The following SVOP variants were observed in gnomAD, a reference collection of about 807,000 sequenced individuals.
SVOP encodes the protein SV2 related protein, also known as synaptic vesicle 2-related protein.
In SVOP, 17 loss-of-function variants were observed where a neutral mutation model predicts 69.1. The observed-to-expected ratio is 0.25, with a 90% CI of 0.17 to 0.37. SVOP has a LOEUF of 0.37. Among genes scored for constraint, SVOP ranks in the 10% least tolerant of loss-of-function variants. The pLI is 1.00. For synonymous variants in SVOP, 238 were observed against 238.6 expected (o/e 1.00, Z 0.02); for missense variants, 435 against 597.5 (o/e 0.73, Z 2.84).
chr12:108,977,704 A>G (rs779464163), intron 3 of SVOP, among the ~76,000 whole-genome samples: 2 of 152,198 alleles, frequency 1.3e-5, no homozygotes, highest in Non-Finnish European at 2.9e-5. Flanking sequence ...GACATTTTAT[A>G]TTATTTTCGT....
chr12:108,955,572 C>T (rs2039980743), intron 6 of SVOP, among the ~76,000 whole-genome samples: 2 of 152,200 alleles, frequency 1.3e-5, no homozygotes, highest in African/African-American at 2.4e-5. Context: ...GAGCTGAGAG[C>T]CACTCACCAT....
At chr12:108,937,438 T>C (rs988391278) in intron 9 of SVOP, 101 bp from the exon 10 acceptor site, 164 of 1,161,540 alleles carry the variant, frequency 1.4e-4, no homozygotes, top group Non-Finnish European at 2.0e-4. Flanking sequence ...GGGAGGAAGG[T>C]TTCTAGTAAG....
rs545099785 is a variant in SVOP, at chr12:108,910,764, T to C, written c.*1771A>G. 5.3e-5 allele frequency: 8 copies of C among 152,262 alleles called. No individual in the cohort carries two copies. The highest frequency in any genetic ancestry group is 4.1e-4 in the South Asian group (2 of 4,824). 9.4% of individuals were successfully genotyped at this position (152,262 alleles called of 1,614,324 possible). ...CCAACGGTATGTCTTTCCCCACTCA[T>C]TGGAAAGGAGATTATCACACTAAAG... On this transcript the variant is annotated 3_prime_UTR_variant, in exon 16 of 16. Coordinates refer to ENST00000610966, the MANE Select transcript of SVOP (RefSeq NM_018711.5).
At chr12:108,938,699 G>T in intron 9 of SVOP, 128 bp downstream of exon 9, 1 of 1,469,034 alleles carries the variant, frequency 6.8e-7, no homozygotes, top group Non-Finnish European at 9.3e-7. Context: ...CCATGTGCAC[G>T]CACACACCCC....
At chr12:109,013,521 G>T (rs1234570727) in intron 1 of SVOP, among the ~76,000 whole-genome samples, 4 of 151,984 alleles carry the variant, frequency 2.6e-5, no homozygotes, top group Non-Finnish European at 4.4e-5. Context: ...CTCCTGACTA[G>T]CTGAGATTAT....
chr12:109,008,037 C>CA (rs34023222), intron 1 of SVOP, among the ~76,000 whole-genome samples: 78 of 146,876 alleles, frequency 5.3e-4, no homozygotes, highest in African/African-American at 9.5e-4. Flanking sequence ...GACCCTGTCT[C>CA]AAAAAAAAAA....
At chr12:109,016,405 G>A (rs2135635267) in intron 1 of SVOP, among the ~76,000 whole-genome samples, 1 of 152,280 alleles carries the variant, frequency 6.6e-6, no homozygotes, top group South Asian at 2.1e-4. Flanking sequence ...TGTAAGAAAG[G>A]AGACAGTAGA....
At chr12:108,948,004 T>C (rs2039934535) in intron 6 of SVOP, among the ~76,000 whole-genome samples, 1 of 152,140 alleles carries the variant, frequency 6.6e-6, no homozygotes, top group Non-Finnish European at 1.5e-5. Context: ...TTAGGGATAC[T>C]CTTGAGCAAC....
rs755678321 is a variant in SVOP at position 108,919,770 on chromosome 12, C to T, written c.1173G>A (p.Leu391=). The change falls in exon 13 of 16, where the codon CTG becomes CTA. Residue 391 remains leucine, a synonymous_variant. Coordinates refer to ENST00000610966, the MANE Select transcript of SVOP (RefSeq NM_018711.5). ...TGCGCCCCAGGCGGTCAATAATCCA[C>T]AGAGTCACAAGGACACCTGGAAGGG... ...LSEFPGVLVT[L]WIIDRLGRKK... 1.3e-6 allele frequency: 2 copies of T among 1,598,224 alleles called. No homozygotes were observed. The highest frequency in any genetic ancestry group is 2.3e-5 in the South Asian group (2 of 88,206).
chr12:108,930,237 A>T (rs980298080), intron 11 of SVOP, among the ~76,000 whole-genome samples: 1 of 152,232 alleles, frequency 6.6e-6, no homozygotes, highest in Non-Finnish European at 1.5e-5. Flanking sequence ...ACAGAGTTTA[A>T]TTGAACAAAC....
At chr12:108,968,710 AGTGTGT>A (rs370262601) in intron 5 of SVOP, among the ~76,000 whole-genome samples, 115 of 149,622 alleles carry the variant, frequency 7.7e-4, no homozygotes, top group African/African-American at 2.7e-3. Context: ...GGATTCCTGA[AGTGTGT>A]GTGTGTGTGT....
At chr12:108,993,802 G>A (rs747902) in intron 1 of SVOP, among the ~76,000 whole-genome samples, 73,969 of 151,960 alleles carry the variant, frequency 0.49, 21,864 homozygotes, top group South Asian at 0.69. Context: ...AATCAAAAAC[G>A]TGAAGAGTCC....
At chr12:108,998,266 G>T (rs1032847831) in intron 1 of SVOP, among the ~76,000 whole-genome samples, 8 of 151,172 alleles carry the variant, frequency 5.3e-5, no homozygotes, top group Non-Finnish European at 1.0e-4. Flanking sequence ...AGAGAAAAAA[G>T]AATAAAAAGA....
chr12:108,956,784 T>G (rs966412541), intron 6 of SVOP, among the ~76,000 whole-genome samples: 6 of 152,044 alleles, frequency 3.9e-5, no homozygotes, highest in Admixed American at 1.3e-4. Flanking sequence ...TAGAAGCGGA[T>G]GTATGGCCTG....
At chr12:108,920,593 T>C (rs1397228562) in intron 12 of SVOP, among the ~76,000 whole-genome samples, 1 of 128,270 alleles carries the variant, frequency 7.8e-6, no homozygotes, top group African/African-American at 2.9e-5. Flanking sequence ...CATTTTTACA[T>C]CTTTTTTTTT....
At chr12:108,999,825 A>T (rs1046588194) in intron 1 of SVOP, among the ~76,000 whole-genome samples, 3 of 151,388 alleles carry the variant, frequency 2.0e-5, no homozygotes. Context: ...GTGTAGAGGG[A>T]AATTTATAGC....
At chr12:108,921,726 A>T (rs2039749261) in intron 12 of SVOP, among the ~76,000 whole-genome samples, 1 of 152,124 alleles carries the variant, frequency 6.6e-6, no homozygotes, top group South Asian at 2.1e-4. Flanking sequence ...TCCTTCTGAG[A>T]TAGTCTTCAG....
Position 108,961,427 on chromosome 12 carries a change from C to CT in SVOP, c.454-381dup, listed in dbSNP as rs373090263. Among the ~76,000 whole-genome samples, 761 of 133,282 alleles carry CT rather than the reference C, an allele frequency of 5.7e-3. 3 individuals are homozygous for CT. The highest frequency in any genetic ancestry group is 0.014 in the African/African-American group (520 of 36,232). 87.4% of individuals were successfully genotyped at this position (133,282 alleles called of 152,430 possible). On this transcript the variant is annotated intron_variant, in intron 5 of 15. Transcript: ENST00000610966. Reference sequence around the variant, plus strand: ...TTTGCTCTGTTTCACACATTCAAGACTTTTTTTTTTTTTTTTTTGGCATAG... The same window carrying CT: ...TTTGCTCTGTTTCACACATTCAAGACTTTTTTTTTTTTTTTTTTTGGCATAG...
intron 7 of SVOP, among the ~76,000 whole-genome samples, chr12:108,943,014 C>T (rs1340119737): frequency 6.6e-6 from 1 of 152,000 alleles, no homozygotes; most frequent in African/African-American, 2.4e-5. Flanking sequence ...CCACCTTGGC[C>T]TCTCAAAGTG....
Sources: allele counts gnomAD v4.1 joint callset (sites outside exome capture counted in the v4.1 genomes callset), GRCh38; gene constraint gnomAD v4.1.1; transcripts MANE v1.5; gene names NCBI Gene and HGNC (gene_info 2026-07-23, HGNC 2026-07-21).